USP8: variants seen among roughly 807,000 people sequenced by gnomAD.
USP8 encodes the protein ubiquitin specific peptidase 8.
In USP8, 27 loss-of-function variants were observed where a neutral mutation model predicts 130.0. That is an observed-to-expected ratio of 0.21 (90% confidence interval 0.15 to 0.29). The LOEUF is 0.29. Ranked by LOEUF, USP8 falls within the 10% of genes least tolerant of loss-of-function variation. The pLI, the probability that USP8 is intolerant of heterozygous loss-of-function variation, is 1.00. For missense variants in USP8, 1,029 were observed against 1,312.2 expected (o/e 0.78, Z 3.33); for synonymous variants, 392 against 444.1 (o/e 0.88, Z 1.48).
intron 11 of USP8, 77 bp from the exon 12 acceptor site, chr15:50,484,198 T>G: frequency 5.5e-6 from 6 of 1,097,588 alleles, no homozygotes; most frequent in Non-Finnish European, 6.5e-6. Flanking sequence ...ATAGATTCGG[T>G]TGTGTTAGCT....
rs148384976 is a variant in USP8 at position 50,440,506 on chromosome 15, T to G, written c.105-843T>G. On this transcript the variant is annotated intron_variant, in intron 2 of 19. Coordinates refer to ENST00000307179, the MANE Select transcript of USP8 (RefSeq NM_005154.5). ...TGGACCAGGGTTAGGGAGGATAGTT[T>G]TGGGATGAGTCAAGTGCACTACATT... Among the ~76,000 whole-genome samples the G allele has an allele frequency of 2.2e-3, 335 of 152,334 alleles. 3 individuals carry two copies. Among genetic ancestry groups the G allele is most frequent in the African/African-American group, 7.9e-3 (328 of 41,588 alleles).
intron 16 of USP8, among the ~76,000 whole-genome samples, chr15:50,494,889 C>T (rs2052314992): frequency 6.6e-6 from 1 of 152,030 alleles, no homozygotes; most frequent in Non-Finnish European, 1.5e-5. Context: ...GTGGCATGTG[C>T]CTGTAATCCC....
At chr15:50,493,827 T>C (rs16963739) in intron 15 of USP8, 18,406 of 649,434 alleles carry the variant, frequency 0.028, 346 homozygotes, top group African/African-American at 0.044. Flanking sequence ...CTCGCTGTCA[T>C]GAACTGGAGC....
intron 3 of USP8, among the ~76,000 whole-genome samples, chr15:50,446,628 T>C (rs1293288269): frequency 1.3e-5 from 2 of 152,260 alleles, no homozygotes; most frequent in African/African-American, 4.8e-5. Context: ...TAATGTTCAA[T>C]TGATACGATA....
At chr15:50,442,451 A>G (rs1276688343) in intron 3 of USP8, among the ~76,000 whole-genome samples, 1 of 152,164 alleles carries the variant, frequency 6.6e-6, no homozygotes, top group African/African-American at 2.4e-5. Context: ...ATTAGAAACT[A>G]GCAAAAGAAT....
Position 50,499,098 on chromosome 15 carries a change from G to A in USP8, c.*10G>A, listed in dbSNP as rs2052522436. On this transcript the variant is annotated 3_prime_UTR_variant, in exon 20 of 20. Coordinates refer to ENST00000307179, the MANE Select transcript of USP8 (RefSeq NM_005154.5). ...TGATGTAGCCACATAAGGAGACATA[G>A]GTTATAAACTAGTTATCTTTTAAAA... 1.3e-6 allele frequency: 2 copies of A among 1,573,338 alleles called. No individual in the cohort carries two copies. Among genetic ancestry groups the A allele is most frequent in the South Asian group, 2.3e-5 (2 of 85,956 alleles).
chr15:50,445,565 A>AAAAAG, intron 3 of USP8, among the ~76,000 whole-genome samples: 1 of 123,912 alleles, frequency 8.1e-6, no homozygotes, highest in Non-Finnish European at 1.7e-5. Flanking sequence ...AAAAAAAAAA[A>AAAAAG]AAAAGCCTGG....
rs1488299999 is a variant in USP8, at chr15:50,439,120, C to T, written c.47C>T (p.Ser16Leu). The change falls in exon 2 of 20, where the codon TCA (serine) becomes TTA (leucine). Residue 16 changes from serine to leucine, a missense_variant. By Grantham distance (145) the Ser-to-Leu change is moderately radical. Around this residue, in one of 4 missense-constraint regions of USP8, gnomAD observed 281 missense variants for 336.7 expected, o/e 0.83. Coordinates refer to ENST00000307179, the MANE Select transcript of USP8 (RefSeq NM_005154.5). Reference protein sequence around the residue: ...SVPKELYLSSSLKDLNKKTEV... With the variant: ...SVPKELYLSSLLKDLNKKTEV... Reference sequence around the variant, plus strand: ...CCTAAAGAACTCTACCTCAGTTCTTCACTAAAAGACCTTAATAAGAAGACA... The same window carrying T: ...CCTAAAGAACTCTACCTCAGTTCTTTACTAAAAGACCTTAATAAGAAGACA... 6.3e-7 allele frequency: 1 copy of T among 1,596,546 alleles called. No homozygotes were observed. Among genetic ancestry groups the T allele is most frequent in the Non-Finnish European group, 8.5e-7 (1 of 1,175,058 alleles).
At chr15:50,433,823 T>G (rs187310494) in intron 1 of USP8, among the ~76,000 whole-genome samples, 1 of 152,140 alleles carries the variant, frequency 6.6e-6, no homozygotes, top group African/African-American at 2.4e-5. Context: ...GCCAGGATGG[T>G]CTTGATCTCC....
intron 3 of USP8, among the ~76,000 whole-genome samples, chr15:50,447,275 C>T (rs1422689779): frequency 6.6e-6 from 1 of 152,200 alleles, no homozygotes; most frequent in Non-Finnish European, 1.5e-5. Flanking sequence ...GAGTCTTGCT[C>T]TGTTGCCCAG....
At chr15:50,453,048 G>A (rs1229724775) in intron 4 of USP8, among the ~76,000 whole-genome samples, 1 of 152,174 alleles carries the variant, frequency 6.6e-6, no homozygotes, top group African/African-American at 2.4e-5. Context: ...TTTCCATAGA[G>A]ATAATAGGAA....
chr15:50,488,512 T>C (rs1203411133), intron 12 of USP8, among the ~76,000 whole-genome samples: 1 of 149,626 alleles, frequency 6.7e-6, no homozygotes, highest in Non-Finnish European at 1.5e-5. Context: ...GCTTCCTGAG[T>C]AGCTAGGACC....
At chr15:50,443,961 G>T (rs571585925) in intron 3 of USP8, among the ~76,000 whole-genome samples, 2 of 152,204 alleles carry the variant, frequency 1.3e-5, no homozygotes, top group Non-Finnish European at 2.9e-5. Flanking sequence ...GTTTTTGCAC[G>T]CTCTGTGAAA....
chr15:50,424,511 C>G lies in USP8; in HGVS notation c.-69C>G, dbSNP rs2049631331. On this transcript the variant is annotated 5_prime_UTR_variant, in exon 1 of 20. Coordinates refer to ENST00000307179, the MANE Select transcript of USP8 (RefSeq NM_005154.5). ...GGCGTTAGTGAAGCGCGCCCGGCGT[C>G]ACGGTGAGTGCGGGTCTTGGGCCCT... 5.0e-6 allele frequency: 2 copies of G among 398,586 alleles called. No individual in the cohort carries two copies. The highest frequency in any genetic ancestry group is 8.8e-6 in the Non-Finnish European group (2 of 226,110). 24.7% of individuals were successfully genotyped at this position (398,586 alleles called of 1,614,324 possible). A position where few individuals can be genotyped will look rare whatever the true frequency, so the allele number is the denominator to read the frequency against.
intron 12 of USP8, among the ~76,000 whole-genome samples, chr15:50,488,932 T>A (rs2052062059): frequency 6.6e-6 from 1 of 151,954 alleles, no homozygotes; most frequent in African/African-American, 2.4e-5. Flanking sequence ...CCCAGGCCGA[T>A]CTCAAAACTC....
intron 2 of USP8, 98 bp downstream of exon 2, chr15:50,439,275 T>C (rs922605993): frequency 6.1e-5 from 47 of 768,878 alleles, no homozygotes; most frequent in Non-Finnish European, 8.6e-5. Context: ...ATTTGAAAAA[T>C]AACACCATCA....
In USP8 at chr15:50,509,222, T is replaced by G. The variant is rs1002644224; in HGVS notation, c.*10134T>G. The G allele has an allele frequency of 2.4e-5, 3 of 127,464 alleles. No homozygotes were observed. Among genetic ancestry groups the G allele is most frequent in the African/African-American group, 3.0e-5 (1 of 33,056 alleles). 7.9% of individuals were successfully genotyped at this position (127,464 alleles called of 1,614,324 possible). On this transcript the variant is annotated 3_prime_UTR_variant, in exon 20 of 20. Coordinates refer to ENST00000307179, the MANE Select transcript of USP8 (RefSeq NM_005154.5). ...GTTCCATCTACTTGGGAGGCTGAGGTGGGAGGATGGCTCGAGCCTGGGAGG... is the reference window on the plus strand; with the variant it reads ...GTTCCATCTACTTGGGAGGCTGAGGGGGGAGGATGGCTCGAGCCTGGGAGG...
At chr15:50,479,916 G>A (rs560139988) in intron 10 of USP8, among the ~76,000 whole-genome samples, 80 of 151,904 alleles carry the variant, frequency 5.3e-4, no homozygotes, top group African/African-American at 1.8e-3. Context: ...ATGCCACCAC[G>A]CCCAGCTAAT....
chr15:50,461,708 C>T (rs2051013096), intron 5 of USP8, among the ~76,000 whole-genome samples: 1 of 152,100 alleles, frequency 6.6e-6, no homozygotes, highest in African/African-American at 2.4e-5. Flanking sequence ...CAAAAATTAG[C>T]TGGGCGTGGT....
Sources: allele counts gnomAD v4.1 joint callset (sites outside exome capture counted in the v4.1 genomes callset), GRCh38; gene constraint gnomAD v4.1.1; regional missense constraint gnomAD v4.1.1; transcripts MANE v1.5; gene names NCBI Gene and HGNC (gene_info 2026-07-23, HGNC 2026-07-21).